QTMAN: variants seen among roughly 807,000 people sequenced by gnomAD.
QTMAN encodes the protein queuosine-tRNA mannosyltransferase.
chr2:143,950,303 C>A, the QTMAN span, among the ~76,000 whole-genome samples: 2 of 151,598 alleles, frequency 1.3e-5, no homozygotes, highest in Admixed American at 6.6e-5. Context: ...AACAACATAC[C>A]ACTAAGCTGC....
the QTMAN span, among the ~76,000 whole-genome samples, chr2:144,287,079 T>C: frequency 6.6e-6 from 1 of 152,058 alleles, no homozygotes; most frequent in Non-Finnish European, 1.5e-5. Context: ...AGGAAGGAGT[T>C]TTAAGGTGGT....
At chr2:144,177,382 G>A in the QTMAN span, 1 of 568,164 alleles carries the variant, frequency 1.8e-6, no homozygotes, top group Non-Finnish European at 3.1e-6. Context: ...AATTGGAGAT[G>A]AAGACCAACC....
chr2:144,133,373 T>G, the QTMAN span, among the ~76,000 whole-genome samples: 1 of 52,472 alleles, frequency 1.9e-5, no homozygotes. Flanking sequence ...ATATAATATA[T>G]AATAATAATA....
the QTMAN span, among the ~76,000 whole-genome samples, chr2:144,189,899 G>C: frequency 6.6e-6 from 1 of 152,162 alleles, no homozygotes; most frequent in Admixed American, 6.5e-5. Flanking sequence ...TGGGATTACA[G>C]GTGTGAGCCA....
At chr2:143,950,640 T>A in the QTMAN span, among the ~76,000 whole-genome samples, 1 of 151,666 alleles carries the variant, frequency 6.6e-6, no homozygotes, top group Non-Finnish European at 1.5e-5. Flanking sequence ...ATATAAAAAA[T>A]TAATTCATTT....
the QTMAN span, among the ~76,000 whole-genome samples, chr2:144,165,144 G>C: frequency 1.3e-5 from 2 of 152,212 alleles, no homozygotes; most frequent in East Asian, 3.9e-4. Flanking sequence ...GGCCGAGGCG[G>C]GTGGATCACG....
At chr2:143,956,670 T>C in the QTMAN span, among the ~76,000 whole-genome samples, 20 of 152,294 alleles carry the variant, frequency 1.3e-4, no homozygotes, top group Non-Finnish European at 2.4e-4. Context: ...GCTCATTTTA[T>C]TCATTTATCT....
the QTMAN span, among the ~76,000 whole-genome samples, chr2:144,079,124 T>C: frequency 2.0e-5 from 3 of 152,254 alleles, no homozygotes; most frequent in East Asian, 5.8e-4. Context: ...GACCCCCTTA[T>C]CAAACAATTT....
At chr2:144,202,301 T>C in the QTMAN span, among the ~76,000 whole-genome samples, 1 of 152,152 alleles carries the variant, frequency 6.6e-6, no homozygotes, top group Admixed American at 6.6e-5. Context: ...TCAGAGACAG[T>C]AGCAAAAGTA....
At chr2:144,022,425 G>A in the QTMAN span, among the ~76,000 whole-genome samples, 1 of 151,772 alleles carries the variant, frequency 6.6e-6, no homozygotes, top group African/African-American at 2.4e-5. Context: ...AAGTAGCTGG[G>A]ACTGCAGATT....
chr2:144,017,773 C>T, the QTMAN span, among the ~76,000 whole-genome samples: 22 of 152,196 alleles, frequency 1.4e-4, no homozygotes, highest in Non-Finnish European at 2.8e-4. Context: ...GGCATTTAAT[C>T]GTTACTAGAG....
the QTMAN span, among the ~76,000 whole-genome samples, chr2:144,179,252 G>A: frequency 1.3e-5 from 2 of 152,128 alleles, no homozygotes; most frequent in South Asian, 2.1e-4. Flanking sequence ...AGTAGAAGGA[G>A]CATAAACCTG....
At chr2:144,152,240 G>A in the QTMAN span, among the ~76,000 whole-genome samples, 1 of 152,176 alleles carries the variant, frequency 6.6e-6, no homozygotes, top group Non-Finnish European at 1.5e-5. Flanking sequence ...ATCAAAGACT[G>A]TAGGCACAAC....
At chr2:144,024,364 C>T in the QTMAN span, among the ~76,000 whole-genome samples, 4 of 152,294 alleles carry the variant, frequency 2.6e-5, 1 homozygote, top group South Asian at 6.2e-4. Context: ...TGAATGAATG[C>T]CTTGGTATGA....
At chr2:144,124,211 T>A in the QTMAN span, among the ~76,000 whole-genome samples, 1 of 152,124 alleles carries the variant, frequency 6.6e-6, no homozygotes, top group African/African-American at 2.4e-5. Context: ...GCAAGTGCCA[T>A]ACCAGTGATC....
At chr2:144,090,205 G>A in the QTMAN span, among the ~76,000 whole-genome samples, 1 of 151,970 alleles carries the variant, frequency 6.6e-6, no homozygotes, top group Non-Finnish European at 1.5e-5. Context: ...GGCATAAAAG[G>A]GAATTTCCTC....
At chr2:144,168,900 AACC>A in the QTMAN span, among the ~76,000 whole-genome samples, 1 of 152,096 alleles carries the variant, frequency 6.6e-6, no homozygotes, top group Admixed American at 6.6e-5. Context: ...TAAGTAAAAA[AACC>A]ATTAAGCTAT....
At chr2:143,970,807 T>G in the QTMAN span, 1 of 1,077,732 alleles carries the variant, frequency 9.3e-7, no homozygotes, top group Non-Finnish European at 1.4e-6. Flanking sequence ...CCTTAGGGCA[T>G]GTGTTAGGAA....
the QTMAN span, among the ~76,000 whole-genome samples, chr2:144,273,304 G>A: frequency 6.6e-6 from 1 of 151,848 alleles, no homozygotes; most frequent in Admixed American, 6.6e-5. Context: ...CTTCTCCAGG[G>A]GACTCCTCCC....
Sources: gnomAD v4.1 joint callset for allele counts (sites outside exome capture counted in the v4.1 genomes callset) on GRCh38, gnomAD v4.1.1 for gene constraint, MANE v1.5 for transcripts, NCBI Gene and HGNC (gene_info 2026-07-23, HGNC 2026-07-21) for gene names.